Variants in DCC observed in about 807,000 individuals in gnomAD.
DCC encodes netrin receptor DCC.
A neutral mutation model predicts 172.5 loss-of-function variants in DCC; 58 were observed. The ratio of observed to expected loss-of-function variants is 0.34; its 90% CI spans 0.27 to 0.42. The LOEUF (loss-of-function observed/expected upper bound fraction) is 0.42, where lower values mean the gene tolerates loss of function less well. Among genes scored for constraint, DCC ranks in the 10% least tolerant of loss-of-function variants. DCC has a pLI of 1.00. For missense variants in DCC, 1,740 were observed against 1,791.0 expected (o/e 0.97, Z 0.51); for synonymous variants, 709 against 644.5 (o/e 1.10, Z -1.52).
At chr18:52,730,028 T>C (rs2036612729) in intron 1 of DCC, among the ~76,000 whole-genome samples, 1 of 152,230 alleles carries the variant, frequency 6.6e-6, no homozygotes, top group Admixed American at 6.5e-5. Flanking sequence ...TAAAATCCAC[T>C]TATTTCAAAG....
intron 9 of DCC, among the ~76,000 whole-genome samples, chr18:53,202,748 T>A (rs2144542381): frequency 6.6e-6 from 1 of 152,294 alleles, no homozygotes; most frequent in East Asian, 1.9e-4. Flanking sequence ...GAGAGAGAGC[T>A]TGTGCCTCTG....
intron 2 of DCC, among the ~76,000 whole-genome samples, chr18:52,800,509 T>C (rs2145225694): frequency 6.6e-6 from 1 of 152,320 alleles, no homozygotes; most frequent in Admixed American, 6.5e-5. Context: ...TATAGGTGAA[T>C]ATGACGATGA....
At chr18:53,415,946 T>TC (rs1172131548) in intron 20 of DCC, among the ~76,000 whole-genome samples, 178 bp from the exon 21 acceptor site, 1 of 152,150 alleles carries the variant, frequency 6.6e-6, no homozygotes, top group African/African-American at 2.4e-5. Context: ...CAATTTTTTT[T>TC]CTCTGAATAC....
intron 27 of DCC, among the ~76,000 whole-genome samples, chr18:53,511,607 C>T (rs1325528588): frequency 4.6e-5 from 7 of 152,196 alleles, no homozygotes; most frequent in Non-Finnish European, 8.8e-5. Context: ...GTGCGCACAC[C>T]GTGCGCGAGC....
At chr18:52,813,017 A>G (rs1218423969) in intron 2 of DCC, among the ~76,000 whole-genome samples, 1 of 152,226 alleles carries the variant, frequency 6.6e-6, no homozygotes, top group African/African-American at 2.4e-5. Context: ...AGAAAAAGAA[A>G]CACATGGCTT....
At chr18:53,359,737 C>A (rs572371041) in intron 15 of DCC, among the ~76,000 whole-genome samples, 1 of 152,282 alleles carries the variant, frequency 6.6e-6, no homozygotes, top group African/African-American at 2.4e-5. Flanking sequence ...TTCTGCCCTA[C>A]CTCTTGGTCT....
chr18:53,016,437 T>A (rs1278474329), intron 5 of DCC, among the ~76,000 whole-genome samples: 1 of 152,136 alleles, frequency 6.6e-6, no homozygotes, highest in African/African-American at 2.4e-5. Flanking sequence ...AATTTTTGCC[T>A]TAGCTTTTGC....
rs76998057 is a variant in DCC, at chr18:52,646,316, G to C, written c.92-105738G>C. ...ATTTTGTAAAAACATGCTTACAAGA[G>C]AACATGCTTCTCTACTCCCAACACA... On this transcript the variant is annotated intron_variant, in intron 1 of 28. Coordinates refer to ENST00000442544, the MANE Select transcript of DCC (RefSeq NM_005215.4). Among the ~76,000 whole-genome samples, 713 of 152,276 alleles carry C rather than the reference G, an allele frequency of 4.7e-3. 5 individuals carry two copies. Among genetic ancestry groups the C allele is most frequent in the African/African-American group, 0.016 (657 of 41,556 alleles).
Position 53,288,214 on chromosome 18 carries a change from T to C in DCC, c.1912-17364T>C, listed in dbSNP as rs186757316. 3.2e-4 allele frequency among the ~76,000 whole-genome samples: 49 copies of C among 152,290 alleles called. 1 individual carries two copies. The East Asian group carries it at 6.9e-3, about 22-fold the overall frequency. ...AATGACTATTGACTAGTCTGACATA[T>C]TCTTGATTAAAGGATCAACAAACCT... is the stretch of plus-strand genomic sequence containing the variant. On this transcript the variant is annotated intron_variant, in intron 12 of 28. Coordinates refer to ENST00000442544, the MANE Select transcript of DCC (RefSeq NM_005215.4).
At chr18:53,111,160 A>C (rs1425716381) in intron 7 of DCC, among the ~76,000 whole-genome samples, 1 of 150,208 alleles carries the variant, frequency 6.7e-6, no homozygotes, top group Non-Finnish European at 1.5e-5. Context: ...CAAAAAACCA[A>C]ACATCGCATG....
chr18:52,847,393 G>A (rs959043302), intron 2 of DCC, among the ~76,000 whole-genome samples: 6 of 152,160 alleles, frequency 3.9e-5, no homozygotes, highest in Non-Finnish European at 8.8e-5. Flanking sequence ...GGCTCATGGA[G>A]GGATGAGTGT....
intron 1 of DCC, among the ~76,000 whole-genome samples, chr18:52,524,303 A>G (rs998315419): frequency 6.6e-6 from 1 of 152,220 alleles, no homozygotes; most frequent in Non-Finnish European, 1.5e-5. Flanking sequence ...TTGTAAATAA[A>G]CCTTCTTTTG....
intron 27 of DCC, among the ~76,000 whole-genome samples, chr18:53,509,897 A>T (rs932201997): frequency 6.6e-6 from 1 of 152,182 alleles, no homozygotes; most frequent in Non-Finnish European, 1.5e-5. Flanking sequence ...CTTGTGCTCT[A>T]CTCAAATGAA....
At chr18:52,554,529 G>T (rs1207515549) in intron 1 of DCC, among the ~76,000 whole-genome samples, 1 of 152,108 alleles carries the variant, frequency 6.6e-6, no homozygotes, top group African/African-American at 2.4e-5. Context: ...TGACAGATCA[G>T]AAAAAGGCCT....
intron 2 of DCC, among the ~76,000 whole-genome samples, chr18:52,838,882 T>G (rs1183026972): frequency 3.9e-5 from 6 of 152,156 alleles, no homozygotes; most frequent in African/African-American, 1.4e-4. Context: ...TTGAAGAGGA[T>G]CTTAGAAGAT....
intron 2 of DCC, among the ~76,000 whole-genome samples, chr18:52,775,729 A>C (rs926679447): frequency 6.6e-6 from 1 of 152,066 alleles, no homozygotes; most frequent in Non-Finnish European, 1.5e-5. Context: ...TCTTCCGCCG[A>C]TGTGCTCCTC....
At chr18:52,922,726 C>T (rs1177221993) in intron 3 of DCC, among the ~76,000 whole-genome samples, 1 of 152,094 alleles carries the variant, frequency 6.6e-6, no homozygotes, top group African/African-American at 2.4e-5. Context: ...GAGGATGTTG[C>T]CATGGGTAGA....
chr18:53,214,190 T>A (rs951391435), intron 11 of DCC, among the ~76,000 whole-genome samples: 1 of 152,032 alleles, frequency 6.6e-6, no homozygotes, highest in South Asian at 2.1e-4. Context: ...AGTTAATTCA[T>A]GAAAAACAAG....
chr18:52,945,647 T>C (rs938519052), intron 5 of DCC, among the ~76,000 whole-genome samples: 2 of 152,214 alleles, frequency 1.3e-5, no homozygotes, highest in African/African-American at 4.8e-5. Flanking sequence ...GCACTGCCAG[T>C]GTGCACTGGC....
Sources: gnomAD v4.1 joint callset for allele counts (sites outside exome capture counted in the v4.1 genomes callset) on GRCh38, gnomAD v4.1.1 for gene constraint, MANE v1.5 for transcripts, NCBI Gene and HGNC (gene_info 2026-07-23, HGNC 2026-07-21) for gene names.